RPAP3: variants seen among roughly 807,000 people sequenced by gnomAD.
RPAP3 encodes the protein RNA polymerase II-associated protein 3.
A neutral mutation model predicts 88.8 loss-of-function variants in RPAP3; 58 were observed. The observed-to-expected ratio is 0.65, with a 90% CI of 0.53 to 0.81. The LOEUF (loss-of-function observed/expected upper bound fraction) is 0.81. Among genes scored for constraint, RPAP3 ranks in the 40% least tolerant of loss-of-function variants. RPAP3 has a pLI of 0.00. For synonymous variants in RPAP3, 255 were observed against 259.9 expected, an observed-to-expected ratio of 0.98 and a Z score of 0.18; for missense variants, 751 against 764.3, an observed-to-expected ratio of 0.98 and a Z score of 0.20.
intron 11 of RPAP3, 37 bp downstream of exon 11, chr12:47,679,667 A>AT: frequency 1.3e-6 from 2 of 1,544,010 alleles, no homozygotes; most frequent in South Asian, 1.2e-5. Flanking sequence ...TATGTTTCAG[A>AT]AAATATGACC....
At position 47,662,308 on chromosome 12, in the gene RPAP3, A is replaced by C. The variant is rs1938776407; in HGVS notation, c.*1197T>G. ...ACATTTAGCAATAAACAAAGTTAATAAACTCTATCAAGTGTATTTTAAAGC... is the reference window on the plus strand; with the variant it reads ...ACATTTAGCAATAAACAAAGTTAATCAACTCTATCAAGTGTATTTTAAAGC... On this transcript the variant is annotated 3_prime_UTR_variant, in exon 17 of 17. Transcript: ENST00000005386. 6.6e-6 allele frequency: 1 copy of C among 152,252 alleles called. No homozygotes were observed. Among genetic ancestry groups the C allele is most frequent in the Admixed American group, 6.5e-5 (1 of 15,282 alleles). 9.4% of individuals were successfully genotyped at this position (152,252 alleles called of 1,614,324 possible). A position where few individuals can be genotyped will look rare whatever the true frequency, so the allele number is the denominator to read the frequency against.
At chr12:47,681,663 G>C in intron 10 of RPAP3, 33 bp downstream of exon 10, 1 of 1,604,444 alleles carries the variant, frequency 6.2e-7, no homozygotes, top group Non-Finnish European at 8.5e-7. Context: ...CACTCATCAG[G>C]ATGACTGAGT....
chr12:47,702,696 G>T lies in RPAP3; in HGVS notation c.145C>A (p.Pro49Thr), dbSNP rs1457168144. 2 of 1,576,888 alleles carry T rather than the reference G, an allele frequency of 1.3e-6. No individual in the cohort carries two copies. The highest frequency in any genetic ancestry group is 2.7e-5 in the African/African-American group (2 of 73,234). Reference sequence around the variant, plus strand: ...ACGAATTCTTAATTTACCTCTTCAGGAACACCATTCTGTCTTCTTAGTTCC... The same window carrying T: ...ACGAATTCTTAATTTACCTCTTCAGTAACACCATTCTGTCTTCTTAGTTCC... ...DMELRRQNGV[P>T]EENLPPIRNG... Residue 49 changes from proline (P) to threonine (T), a missense_variant, in exon 2 of 17, where the codon CCT (proline) becomes ACT (threonine). Transcript: ENST00000005386.
At chr12:47,686,667 T>C (rs145812867) in intron 9 of RPAP3, 113 bp downstream of exon 9, 3 of 732,362 alleles carry the variant, frequency 4.1e-6, no homozygotes, top group Non-Finnish European at 6.4e-6. Context: ...TAAATTGGCA[T>C]GTGAGCTAAC....
rs1454728270 is a variant in RPAP3 at position 47,663,509 on chromosome 12, C to A, written c.1994G>T (p.Gly665Val). 2.5e-6 allele frequency: 4 copies of A among 1,578,134 alleles called. No individual in the cohort carries two copies. The highest frequency in any genetic ancestry group is 3.4e-6 in the Non-Finnish European group (4 of 1,160,452). ...SVEELKKRYG[G>V] ...TTATTTCAGCAAAAATGGAAATCAA[C>A]CACCGTATCTTTTCTTGAGTTCTTC... Residue 665 changes from glycine (G) to valine (V), a missense_variant, in exon 17 of 17, where the codon GGT becomes GTT. Physicochemically the swap from Gly to Val is moderately radical, Grantham distance 109. Transcript: ENST00000005386.
chr12:47,697,731 A>G lies in RPAP3; in HGVS notation c.295-12T>C. The G allele has an allele frequency of 6.3e-7, 1 of 1,583,732 alleles. No individual in the cohort carries two copies. The highest frequency in any genetic ancestry group is 1.4e-5 in the African/African-American group (1 of 71,632). ...TCAAGGATACGGTCCTAAAATCAAA[A>G]GACGGAAAACAGGGGTCATAATTAT... On this transcript the variant is annotated splice_polypyrimidine_tract_variant and intron_variant, in intron 3 of 16. Coordinates refer to ENST00000005386, the MANE Select transcript of RPAP3 (RefSeq NM_024604.3).
rs1486745865 is a variant in RPAP3, at chr12:47,669,066, A to G, written c.1563T>C (p.Ser521=). Residue 521 remains serine (S), a synonymous_variant, in exon 14 of 17, where the codon TCT becomes TCC. Transcript: ENST00000005386. The stretch of plus-strand genomic sequence containing the variant: ...TCTCTATGGGCATTTTCTCGCTGTA[A>G]GACTGACATACATCCTGCTTCAAAC... ...QASLKQDVCQ[S]YSEKMPIEIE... 6.2e-7 allele frequency: 1 copy of G among 1,613,908 alleles called. No homozygotes were observed. Among genetic ancestry groups the G allele is most frequent in the East Asian group, 2.2e-5 (1 of 44,868 alleles).
rs758005169 is a variant in RPAP3 at position 47,670,276 on chromosome 12, T to C, written c.1357A>G (p.Thr453Ala). ...TTATTCTCTGGAGCAGCAGCAGTAGTGCTATCTGGCACATCAATAGTCTGT... is the reference window on the plus strand; with the variant it reads ...TTATTCTCTGGAGCAGCAGCAGTAGCGCTATCTGGCACATCAATAGTCTGT... ...LIQTIDVPDS[T>A]TAAAPENNPI... Residue 453 changes from threonine to alanine, a missense_variant, in exon 13 of 17, where the codon ACT (threonine) becomes GCT (alanine). By Grantham distance (58) the Thr-to-Ala change is moderately conservative. Transcript: ENST00000005386. 1.1e-5 allele frequency: 17 copies of C among 1,613,630 alleles called. No homozygotes were observed. The highest frequency in any genetic ancestry group is 1.4e-5 in the Non-Finnish European group (17 of 1,179,680).
chr12:47,681,084 C>A (rs1406573545), intron 10 of RPAP3, among the ~76,000 whole-genome samples: 3 of 144,852 alleles, frequency 2.1e-5, no homozygotes, highest in African/African-American at 7.5e-5. Flanking sequence ...GTTCTACTAA[C>A]TACCCCAAAT....
At chr12:47,696,618 C>T (rs1440152477) in intron 4 of RPAP3, among the ~76,000 whole-genome samples, 2 of 151,884 alleles carry the variant, frequency 1.3e-5, no homozygotes, top group African/African-American at 4.8e-5. Context: ...TCCCCTTCCC[C>T]CTCCTCAGCC....
Position 47,670,147 on chromosome 12 carries a change from C to T in RPAP3, c.1486G>A (p.Val496Ile). ...TCACTGACTTCTTCTATTTTCAATA[C>T]TTTTGCTCTTGGAGTATCACTTGTG... is the stretch of plus-strand genomic sequence containing the variant. The part of the protein sequence containing the change: ...FPTSDTPRAK[V>I]LKIEEVSDTS... Residue 496 changes from valine (V) to isoleucine (I), a missense_variant, in exon 13 of 17, where the codon GTA becomes ATA. Physicochemically the swap from Val to Ile is conservative, Grantham distance 29. Transcript: ENST00000005386. 1 of 1,613,044 alleles carries T rather than the reference C, an allele frequency of 6.2e-7. No homozygotes were observed. The highest frequency in any genetic ancestry group is 2.2e-5 in the East Asian group (1 of 44,838).
chr12:47,695,652 A>G (rs1939511059), intron 5 of RPAP3, among the ~76,000 whole-genome samples: 1 of 152,192 alleles, frequency 6.6e-6, no homozygotes, highest in Non-Finnish European at 1.5e-5. Context: ...TAATTTTTAG[A>G]GATTAATATC....
At chr12:47,678,255 G>A (rs1221668133) in intron 12 of RPAP3, among the ~76,000 whole-genome samples, 1 of 151,920 alleles carries the variant, frequency 6.6e-6, no homozygotes, top group Non-Finnish European at 1.5e-5. Context: ...AATTCAAGAT[G>A]GATTAAAGAC....
intron 1 of RPAP3, among the ~76,000 whole-genome samples, chr12:47,703,398 T>C (rs973508937): frequency 3.3e-5 from 5 of 152,152 alleles, no homozygotes; most frequent in Admixed American, 1.3e-4. Context: ...TGTAGGAGGG[T>C]TGGCAACATT....
rs752137080 is a variant in RPAP3, at chr12:47,689,146, A to G, written c.717T>C (p.Asn239=). The G allele has an allele frequency of 1.4e-6, 2 of 1,454,982 alleles. No homozygotes were observed. Among genetic ancestry groups the G allele is most frequent in the South Asian group, 2.4e-5 (2 of 85,052 alleles). 90.1% of individuals were successfully genotyped at this position (1,454,982 alleles called of 1,614,324 possible). A position where few individuals can be genotyped will look rare whatever the true frequency, so the allele number is the denominator to read the frequency against. The change falls in exon 7 of 17, where the codon AAT becomes AAC. Residue 239 remains asparagine (N), a synonymous_variant. Transcript: ENST00000005386. ...TTACCTGACTGATTTTCCTGAGTTC[A>G]TTTGTTGCTTCAAAGTTATTTGGTT... ...ELEPNNFEAT[N]ELRKISQALA...
chr12:47,683,371 G>A (rs1939262040), intron 9 of RPAP3, among the ~76,000 whole-genome samples: 1 of 152,148 alleles, frequency 6.6e-6, no homozygotes, highest in African/African-American at 2.4e-5. Context: ...GTGCCTCACA[G>A]AACACCTGAT....
At chr12:47,690,041 C>CAAAAAAAAAAAAAAAAA (rs573336232) in intron 6 of RPAP3, among the ~76,000 whole-genome samples, 1 of 56,614 alleles carries the variant, frequency 1.8e-5, no homozygotes. Flanking sequence ...GACTCTGTCT[C>CAAAAAAAAAAAAAAAAA]AAAAAAAAAA....
chr12:47,685,107 G>A (rs1019290618), intron 9 of RPAP3, among the ~76,000 whole-genome samples: 6 of 152,170 alleles, frequency 3.9e-5, no homozygotes, highest in Non-Finnish European at 8.8e-5. Context: ...GGCCGGGCGC[G>A]GTGGCTCCTG....
In RPAP3 at chr12:47,667,065, TA is replaced by T; in HGVS notation, c.1826del (p.Leu609TyrfsTer13). 6.7e-7 allele frequency: 1 copy of T among 1,483,130 alleles called. No homozygotes were observed. The highest frequency in any genetic ancestry group is 9.0e-7 in the Non-Finnish European group (1 of 1,111,024). 91.9% of individuals were successfully genotyped at this position (1,483,130 alleles called of 1,614,324 possible). On this transcript the variant is annotated frameshift_variant, in exon 16 of 17. Transcript: ENST00000005386. LOFTEE classifies it high-confidence loss of function. ...HDFYIEKEKP[L>X]LIFEILQRLS... Reference sequence around the variant, plus strand: ...GTCTTTGTAAGATTTCAAAGATGAGTAATGGCTTTTCTTTCCTGAAATAATC... The same window carrying T: ...GTCTTTGTAAGATTTCAAAGATGAGTATGGCTTTTCTTTCCTGAAATAATC...
Sources: gnomAD v4.1 joint callset for allele counts (sites outside exome capture counted in the v4.1 genomes callset) on GRCh38, gnomAD v4.1.1 for gene constraint, MANE v1.5 for transcripts, NCBI Gene and HGNC (gene_info 2026-07-23, HGNC 2026-07-21) for gene names.